The following THTPA variants were observed in gnomAD, a reference collection of about 807,000 sequenced individuals.
The protein encoded by THTPA is thiamine-triphosphatase.
A neutral mutation model predicts 16.5 loss-of-function variants in THTPA; 16 were observed. The ratio of observed to expected loss-of-function variants is 0.97; its 90% CI spans 0.66 to 1.47. The LOEUF is 1.47. Among genes scored for constraint, THTPA ranks in the 40% most tolerant of loss-of-function variants. The pLI, the probability that THTPA is intolerant of heterozygous loss-of-function variation, is 0.00. For missense variants in THTPA, 281 were observed against 280.9 expected (o/e 1.00, Z 0.00); for synonymous variants, 110 against 115.5 (o/e 0.95, Z 0.30).
chr14:23,538,757 G>A, the THTPA span, among the ~76,000 whole-genome samples: 17 of 152,262 alleles, frequency 1.1e-4, 1 homozygote, highest in East Asian at 3.1e-3. Flanking sequence ...ATCTGGTGTA[G>A]GGTGGAGGTT....
At chr14:23,530,869 G>A in the THTPA span, 1 of 223,838 alleles carries the variant, frequency 4.5e-6, no homozygotes. Context: ...TGCAAAGCCC[G>A]ACGCCCATGC....
At chr14:23,529,831 G>A in the THTPA span, 3 of 1,485,844 alleles carry the variant, frequency 2.0e-6, no homozygotes, top group Non-Finnish European at 2.7e-6. Flanking sequence ...TTGTAGCAGA[G>A]AGCTTCCAGG....
chr14:23,559,040 C>T lies in THTPA; in HGVS notation c.*200C>T. 2 of 628,054 alleles carry T rather than the reference C, an allele frequency of 3.2e-6. No individual in the cohort carries two copies. Among genetic ancestry groups the T allele is most frequent in the South Asian group, 4.0e-5 (2 of 49,656 alleles). The allele number at this position is 628,054 out of a possible 1,614,324, so 38.9% of individuals were successfully genotyped here. ...CTCTCGCTCATCCGTCAGATGCAAT[C>T]TGTGGGCCGCCCCTCTCCCCTGGCC... On this transcript the variant is annotated 3_prime_UTR_variant, in exon 2 of 2. Transcript: ENST00000288014.
chr14:23,552,218 C>T (rs554875620), upstream of THTPA, among the ~76,000 whole-genome samples: 1 of 152,064 alleles, frequency 6.6e-6, no homozygotes, highest in Non-Finnish European at 1.5e-5. Context: ...TTACATAGTC[C>T]CCTGAGCTGG....
the THTPA span, chr14:23,524,537 G>C: frequency 4.0e-5 from 61 of 1,527,206 alleles, no homozygotes; most frequent in Middle Eastern, 1.7e-4. This position sits in a 1 kb window ranked among gnomAD's most constrained non-coding sequence, Gnocchi z 5.6. Context: ...TAGGAGTTGG[G>C]GGGGAGCACT....
At chr14:23,534,029 G>A in the THTPA span, 1 of 1,536,596 alleles carries the variant, frequency 6.5e-7, no homozygotes, top group Non-Finnish European at 8.7e-7. This position sits in a 1 kb window ranked among gnomAD's most constrained non-coding sequence, Gnocchi z 4.5. Flanking sequence ...CTGAGGCCCT[G>A]GAAGGCTGCA....
the THTPA span, chr14:23,524,321 C>G: frequency 6.5e-7 from 1 of 1,536,218 alleles, no homozygotes; most frequent in Non-Finnish European, 8.7e-7. This position sits in a 1 kb window ranked among gnomAD's most constrained non-coding sequence, Gnocchi z 5.6. Flanking sequence ...CATGTACCAA[C>G]GGTACAGGAT....
the THTPA span, chr14:23,521,811 G>A: frequency 7.4e-7 from 1 of 1,343,490 alleles, no homozygotes. Flanking sequence ...AGTGGGGTGT[G>A]TGGTGCCCAC....
At chr14:23,514,565 T>G in the THTPA span, 2 of 152,252 alleles carry the variant, frequency 1.3e-5, no homozygotes, top group Non-Finnish European at 2.9e-5. Context: ...CTTCGGTACC[T>G]TCCTCTCCTC....
At chr14:23,528,987 G>A in the THTPA span, among the ~76,000 whole-genome samples, 2 of 152,250 alleles carry the variant, frequency 1.3e-5, no homozygotes, top group South Asian at 2.1e-4. Flanking sequence ...GTCTGTTGGC[G>A]GGAGCAGGAG....
chr14:23,539,787 C>G, the THTPA span, among the ~76,000 whole-genome samples: 6 of 152,148 alleles, frequency 3.9e-5, no homozygotes, highest in African/African-American at 1.4e-4. Flanking sequence ...CTACTGCTCC[C>G]TAGTGGTTAC....
chr14:23,536,075 A>G, the THTPA span, among the ~76,000 whole-genome samples: 1 of 152,032 alleles, frequency 6.6e-6, no homozygotes, highest in Non-Finnish European at 1.5e-5. Context: ...TATCTCCTTC[A>G]CTAACACCAT....
At chr14:23,532,694 G>C in the THTPA span, 4 of 1,530,720 alleles carry the variant, frequency 2.6e-6, no homozygotes, top group African/African-American at 2.7e-5. Context: ...CCCATAAGGA[G>C]CCCCATCTCC....
At chr14:23,512,250 G>A in the THTPA span, among the ~76,000 whole-genome samples, 4 of 152,216 alleles carry the variant, frequency 2.6e-5, no homozygotes, top group South Asian at 6.2e-4. Context: ...AGAAGGCATC[G>A]CAGATGGCTG....
chr14:23,523,769 C>G, the THTPA span: 3 of 1,536,210 alleles, frequency 2.0e-6, no homozygotes, highest in Admixed American at 5.9e-5. This position sits in a 1 kb window ranked among gnomAD's most constrained non-coding sequence, Gnocchi z 4.1. Flanking sequence ...ATCTGGAACC[C>G]CAGTCCCACC....
At chr14:23,520,698 C>T in the THTPA span, among the ~76,000 whole-genome samples, 1 of 151,816 alleles carries the variant, frequency 6.6e-6, no homozygotes, top group Non-Finnish European at 1.5e-5. This position sits in a 1 kb window ranked among gnomAD's most constrained non-coding sequence, Gnocchi z 8.7. Flanking sequence ...GGGAGGGCTG[C>T]ACCGGCATCG....
the THTPA span, chr14:23,522,072 C>T: frequency 1.1e-5 from 17 of 1,536,150 alleles, no homozygotes; most frequent in African/African-American, 5.5e-5. Context: ...GCAGTGGCGG[C>T]GTTGGTGATG....
At chr14:23,553,880 C>A (rs373390067), upstream of THTPA, among the ~76,000 whole-genome samples, 1 of 151,758 alleles carries the variant, frequency 6.6e-6, no homozygotes, top group African/African-American at 2.4e-5. Context: ...GGCGACAAAG[C>A]GAGACTCCGT....
At chr14:23,525,205 C>T in the THTPA span, 5 of 1,536,050 alleles carry the variant, frequency 3.3e-6, no homozygotes, top group South Asian at 2.4e-5. This position sits in a 1 kb window ranked among gnomAD's most constrained non-coding sequence, Gnocchi z 5.9. Context: ...AGCTTTCTTC[C>T]TCTTCTATGG....
Sources: allele counts gnomAD v4.1 joint callset (sites outside exome capture counted in the v4.1 genomes callset), GRCh38; gene constraint gnomAD v4.1.1; non-coding constraint Gnocchi (gnomAD v3.1); transcripts MANE v1.5; gene names NCBI Gene and HGNC (gene_info 2026-07-23, HGNC 2026-07-21).